Variants in DBH observed in about 807,000 individuals in gnomAD.
The protein encoded by DBH is dopamine beta-hydroxylase.
DBH carries 49 observed loss-of-function variants against 64.0 expected under a neutral mutation model. That is an observed-to-expected ratio of 0.77 (90% CI 0.61 to 0.97). DBH has a LOEUF of 0.97. DBH is among the 50% of genes least tolerant of loss of function. DBH has a pLI of 0.00. For synonymous variants in DBH, 343 were observed against 347.1 expected (o/e 0.99, Z 0.13); for missense variants, 828 against 826.6 (o/e 1.00, Z -0.02).
chr9:133,652,872 G>A (rs1832267724), intron 8 of DBH, 68 bp from the exon 9 acceptor site: 1 of 1,122,274 alleles, frequency 8.9e-7, no homozygotes, highest in African/African-American at 1.5e-5. Flanking sequence ...GGTCCTATGG[G>A]GGCGAGGCCT....
chr9:133,656,500 G>A (rs1195836786), intron 9 of DBH, 23 bp from the exon 10 acceptor site: 17 of 1,613,460 alleles, frequency 1.1e-5, no homozygotes, highest in Non-Finnish European at 1.4e-5. Flanking sequence ...GCCCGGGGCT[G>A]ACGGGTCTCC....
rs1832378899 is a variant in DBH at position 133,659,214 on chromosome 9, G to C, written c.*767G>C. On this transcript the variant is annotated 3_prime_UTR_variant, in exon 12 of 12. Transcript: ENST00000393056. ...GCTTTCCGCGTGGTTCTGCCACTTA[G>C]GGAGTGTGCCTTGGGCGGGCCATTT... The C allele has an allele frequency of 6.6e-6, 1 of 152,298 alleles. No homozygotes were observed. The highest frequency in any genetic ancestry group is 1.5e-5 in the Non-Finnish European group (1 of 68,112). The allele number at this position is 152,298 out of a possible 1,614,324, so 9.4% of individuals were successfully genotyped here. A position where few individuals can be genotyped will look rare whatever the true frequency, so the allele number is the denominator to read the frequency against.
At chr9:133,652,167 G>A (rs1832257016) in intron 7 of DBH, 79 bp from the exon 8 acceptor site, 1 of 1,550,878 alleles carries the variant, frequency 6.4e-7, no homozygotes, top group South Asian at 1.1e-5. Context: ...AGGCCTGAGG[G>A]AGGACACAGT....
chr9:133,640,676 G>C (rs1396109288), intron 2 of DBH, among the ~76,000 whole-genome samples: 1 of 152,258 alleles, frequency 6.6e-6, no homozygotes, highest in Admixed American at 6.5e-5. Flanking sequence ...AGTGGCCTGG[G>C]CTGGCCGTTA....
At chr9:133,651,015 C>A (rs558090615) in intron 6 of DBH, among the ~76,000 whole-genome samples, 33 of 152,354 alleles carry the variant, frequency 2.2e-4, no homozygotes, top group African/African-American at 6.7e-4. Context: ...AGCTGCAGCA[C>A]CCCATGGTCA....
chr9:133,657,496 A>AGAGGAG (rs1564215977), intron 11 of DBH, among the ~76,000 whole-genome samples: 2 of 143,188 alleles, frequency 1.4e-5, no homozygotes, highest in African/African-American at 5.5e-5. Flanking sequence ...GGAGAGAGAG[A>AGAGGAG]GGAGAGAGAG....
intron 9 of DBH, 120 bp from the exon 10 acceptor site, chr9:133,656,403 C>T (rs1382370861): frequency 5.0e-6 from 7 of 1,414,038 alleles, no homozygotes; most frequent in Middle Eastern, 1.8e-4. Context: ...CAGAGCATGC[C>T]TGGCACGGTG....
intron 6 of DBH, among the ~76,000 whole-genome samples, chr9:133,651,369 G>C (rs1204392340): frequency 4.6e-5 from 7 of 151,640 alleles, no homozygotes; most frequent in Non-Finnish European, 8.8e-5. Flanking sequence ...GCTCAGGAGA[G>C]GATGAAGGAC....
At position 133,639,785 on chromosome 9, in the gene DBH, C is replaced by T. The variant is rs986159477; in HGVS notation, c.340-61C>T. On this transcript the variant is annotated intron_variant, in intron 1 of 11. Transcript: ENST00000393056. ...GAGCTCTGCCGGGGAATGCCCTCTT[C>T]CCCTGTGGATTGGCCCGGCTTGGCT... 8 of 1,561,272 alleles carry T rather than the reference C, an allele frequency of 5.1e-6. No homozygotes were observed. The East Asian group carries it at 6.9e-5, about 13-fold the overall frequency.
At chr9:133,640,792 G>A (rs1160916435) in intron 2 of DBH, among the ~76,000 whole-genome samples, 2 of 152,224 alleles carry the variant, frequency 1.3e-5, no homozygotes, top group Non-Finnish European at 2.9e-5. Flanking sequence ...TGCCGTGCAG[G>A]GCCACCTGCA....
chr9:133,638,369 C>CT (rs1248422982), intron 1 of DBH, among the ~76,000 whole-genome samples: 1 of 152,184 alleles, frequency 6.6e-6, no homozygotes, highest in Non-Finnish European at 1.5e-5. Context: ...TTGCAGATTT[C>CT]TTTTTTCTCA....
Position 133,651,890 on chromosome 9 carries a change from C to G in DBH, c.1335+113C>G, listed in dbSNP as rs555231970. 2.6e-4 allele frequency: 306 copies of G among 1,160,516 alleles called. No homozygotes were observed. In the Middle Eastern group the frequency reaches 3.1e-3, roughly 12 times the overall value. 71.9% of individuals were successfully genotyped at this position (1,160,516 alleles called of 1,614,324 possible). A position where few individuals can be genotyped will look rare whatever the true frequency, so the allele number is the denominator to read the frequency against. ...ATGGCTCCAGGCTGGCTTCTTTTTC[C>G]TGGGCCAGCCCCACCCGCCCCCCAC... is the stretch of plus-strand genomic sequence containing the variant. On this transcript the variant is annotated intron_variant, in intron 7 of 11. Coordinates refer to ENST00000393056, the MANE Select transcript of DBH (RefSeq NM_000787.4).
intron 7 of DBH, 135 bp downstream of exon 7, chr9:133,651,912 C>A: frequency 1.1e-6 from 1 of 932,444 alleles, no homozygotes; most frequent in South Asian, 1.5e-5. Flanking sequence ...CACCCGCCCC[C>A]CACCCATGTG....
rs1832137785 is a variant in DBH, at chr9:133,643,184, G to C, written c.745-229G>C. Among the ~76,000 whole-genome samples, 1 of 126,264 alleles carries C rather than the reference G, an allele frequency of 7.9e-6. No homozygotes were observed. The highest frequency in any genetic ancestry group is 1.8e-5 in the Non-Finnish European group (1 of 55,252). The allele number at this position is 126,264 out of a possible 152,430, so 82.8% of individuals were successfully genotyped here. A position where few individuals can be genotyped will look rare whatever the true frequency, so the allele number is the denominator to read the frequency against. On this transcript the variant is annotated intron_variant, in intron 3 of 11. Coordinates refer to ENST00000393056, the MANE Select transcript of DBH (RefSeq NM_000787.4). The surrounding 1 kb of genome is among the most constrained non-coding windows in gnomAD (Gnocchi z 5.3). Reference sequence around the variant, plus strand: ...ATGAGGACGGCTGCGTCCTGTCCCTGCCTTGGCCTGTACGAACCTCATTTC... The same window carrying C: ...ATGAGGACGGCTGCGTCCTGTCCCTCCCTTGGCCTGTACGAACCTCATTTC...
chr9:133,654,811 C>G (rs1413704415), intron 9 of DBH: 1 of 152,362 alleles, frequency 6.6e-6, no homozygotes. Context: ...CAGGTGCCAA[C>G]CCCGACTGTG....
At chr9:133,637,118 G>A (rs1445068539) in intron 1 of DBH, among the ~76,000 whole-genome samples, 2 of 152,194 alleles carry the variant, frequency 1.3e-5, no homozygotes, top group African/African-American at 2.4e-5. Flanking sequence ...ACTGATGTGG[G>A]CCAGGTGGTG....
At chr9:133,639,207 A>G (rs1166096372) in intron 1 of DBH, among the ~76,000 whole-genome samples, 1 of 146,900 alleles carries the variant, frequency 6.8e-6, no homozygotes, top group Non-Finnish European at 1.5e-5. Context: ...AGCCTAGGCA[A>G]CATAGCGAGA....
chr9:133,645,554 C>T (rs1832172390), intron 5 of DBH, among the ~76,000 whole-genome samples: 1 of 152,022 alleles, frequency 6.6e-6, no homozygotes, highest in Admixed American at 6.6e-5. Context: ...TGATTTAATC[C>T]CCATCTGAAT....
rs771347166 is a variant in DBH at position 133,658,368 on chromosome 9, C to A, written c.1775C>A (p.Pro592His). 1.2e-6 allele frequency: 2 copies of A among 1,613,778 alleles called. No individual in the cohort carries two copies. Among genetic ancestry groups the A allele is most frequent in the Admixed American group, 1.7e-5 (1 of 59,984 alleles). ...LPKVISTLEEPTPQCPTSQGR... is the reference protein window; with the variant it reads ...LPKVISTLEEHTPQCPTSQGR... ...AAGGTCATCTCCACACTGGAAGAGCCCACCCCACAGTGCCCCACCAGCCAG... is the reference window on the plus strand; with the variant it reads ...AAGGTCATCTCCACACTGGAAGAGCACACCCCACAGTGCCCCACCAGCCAG... Residue 592 changes from proline (P) to histidine (H), a missense_variant, in exon 12 of 12, where the codon CCC becomes CAC. Coordinates refer to ENST00000393056, the MANE Select transcript of DBH (RefSeq NM_000787.4).
Sources: gnomAD v4.1 joint callset for allele counts (sites outside exome capture counted in the v4.1 genomes callset) on GRCh38, gnomAD v4.1.1 for gene constraint, Gnocchi (gnomAD v3.1) non-coding constraint, MANE v1.5 for transcripts, NCBI Gene and HGNC (gene_info 2026-07-23, HGNC 2026-07-21) for gene names.